The following CCDC33 variants were observed in gnomAD, a reference collection of about 807,000 sequenced individuals.
CCDC33 encodes the protein coiled-coil domain-containing protein 33.
Under a neutral mutation model 91.9 loss-of-function variants are expected in CCDC33, and 94 were observed. The observed-to-expected ratio is 1.02, with a 90% CI of 0.87 to 1.21. CCDC33 has a LOEUF of 1.21. CCDC33 is among the 50% of genes most tolerant of loss of function. The probability of loss-of-function intolerance (pLI) is 0.00; values close to 1 mark genes in which losing one functional copy is unlikely to be tolerated. For missense variants in CCDC33, 940 were observed against 935.5 expected, an observed-to-expected ratio of 1.00 and a Z score of -0.06; for synonymous variants, 396 against 374.5, an observed-to-expected ratio of 1.06 and a Z score of -0.66.
intron 7 of CCDC33, among the ~76,000 whole-genome samples, chr15:74,274,684 T>C (rs2959019): frequency 0.51 from 76,876 of 152,174 alleles, 24,000 homozygotes; most frequent in Non-Finnish European, 0.7. Flanking sequence ...ATCAGCAGGC[T>C]GTCCCAAGGG....
At chr15:74,282,387 G>A (rs947726051) in intron 10 of CCDC33, among the ~76,000 whole-genome samples, 6 of 152,152 alleles carry the variant, frequency 3.9e-5, no homozygotes, top group Admixed American at 1.3e-4. Context: ...AGCCGGGGCA[G>A]CTCTCAGCTC....
rs552775440 is a variant in CCDC33, at chr15:74,290,567, G to T, written c.1096-5187G>T. Reference sequence around the variant, plus strand: ...TACAGAGGTCAGGGCAAGCATCACAGAAAGGCATGGTTTGAGCTCTGTTCC... The same window carrying T: ...TACAGAGGTCAGGGCAAGCATCACATAAAGGCATGGTTTGAGCTCTGTTCC... On this transcript the variant is annotated intron_variant, in intron 10 of 18. Transcript: ENST00000398814. 2.6e-5 allele frequency among the ~76,000 whole-genome samples: 4 copies of T among 152,320 alleles called. No homozygotes were observed. The South Asian group carries it at 8.3e-4, about 32-fold the overall frequency.
chr15:74,280,024 G>A lies in CCDC33; in HGVS notation c.821G>A (p.Gly274Asp), dbSNP rs1490007125. ...PLWNQSFLFQ[G>D]RDGATSFSED... is the part of the protein sequence containing the mutation. ...TGGAATCAGTCCTTCCTCTTCCAAG[G>A]CCGAGATGGAGCTACCAGCTTCTCA... Residue 274 changes from glycine (G) to aspartate (D), a missense_variant, in exon 8 of 19, where the codon GGC (glycine) becomes GAC (aspartate). Physicochemically the swap from Gly to Asp is moderately conservative, Grantham distance 94 (BLOSUM62 -1). Transcript: ENST00000398814. 1 of 1,614,038 alleles carries A rather than the reference G, an allele frequency of 6.2e-7. No homozygotes were observed. The highest frequency in any genetic ancestry group is 8.5e-7 in the Non-Finnish European group (1 of 1,180,034).
rs2060083134 is a variant in CCDC33, at chr15:74,316,070, G to C, written c.1291-14119G>C. ...AGTCTTCACATAGTAATTGTCTTGT[G>C]TGTCTCACCCAGTGATAAGGGGTGG... is the stretch of plus-strand genomic sequence containing the variant. On this transcript the variant is annotated intron_variant, in intron 11 of 18. Coordinates refer to ENST00000398814, the MANE Select transcript of CCDC33 (RefSeq NM_025055.5). This position sits in a 1 kb window ranked among gnomAD's most constrained non-coding sequence, Gnocchi z 4.7. Among the ~76,000 whole-genome samples the C allele has an allele frequency of 6.6e-6, 1 of 152,182 alleles. No homozygotes were observed. The highest frequency in any genetic ancestry group is 6.5e-5 in the Admixed American group (1 of 15,280).
At chr15:74,249,475 G>C (rs892133364) in intron 2 of CCDC33, among the ~76,000 whole-genome samples, 1 of 148,890 alleles carries the variant, frequency 6.7e-6, no homozygotes, top group Non-Finnish European at 1.5e-5. Context: ...GTGACAGAGC[G>C]AGGCTCCGTC....
chr15:74,310,153 T>A (rs2059964631), intron 11 of CCDC33, among the ~76,000 whole-genome samples: 1 of 148,370 alleles, frequency 6.7e-6, no homozygotes, highest in Non-Finnish European at 1.5e-5. Flanking sequence ...AGAACCTGAC[T>A]CAAACAAAAT....
intron 4 of CCDC33, among the ~76,000 whole-genome samples, chr15:74,267,430 G>A (rs1304495482): frequency 1.3e-5 from 2 of 152,232 alleles, no homozygotes; most frequent in African/African-American, 4.8e-5. Context: ...CATGGACTGA[G>A]GGGCCTGAGG....
At chr15:74,298,861 C>T (rs949541301) in intron 11 of CCDC33, among the ~76,000 whole-genome samples, 2 of 151,944 alleles carry the variant, frequency 1.3e-5, no homozygotes, top group Non-Finnish European at 2.9e-5. Flanking sequence ...TACAGGCGGG[C>T]GCCACCACGC....
In CCDC33 at chr15:74,274,728, C is replaced by A. The variant is rs2076407109; in HGVS notation, c.759+1837C>A. ...CACTGCCTGCTTTAATGAGTGTGCC[C>A]CCTCCCACCCCCAGGCTTTCTCTGG... On this transcript the variant is annotated intron_variant, in intron 7 of 18. Coordinates refer to ENST00000398814, the MANE Select transcript of CCDC33 (RefSeq NM_025055.5). 2.6e-5 allele frequency among the ~76,000 whole-genome samples: 4 copies of A among 152,202 alleles called. No individual in the cohort carries two copies. The South Asian group carries it at 8.3e-4, about 31-fold the overall frequency.
chr15:74,254,553 C>T (rs2075802243), intron 2 of CCDC33, among the ~76,000 whole-genome samples: 1 of 152,132 alleles, frequency 6.6e-6, no homozygotes, highest in African/African-American at 2.4e-5. Context: ...GTGCATCCTC[C>T]ACACATGTAT....
chr15:74,333,831 T>G (rs759712444), intron 16 of CCDC33, 50 bp from the exon 17 acceptor site: 7 of 1,487,492 alleles, frequency 4.7e-6, no homozygotes, highest in Non-Finnish European at 6.5e-6. Context: ...AAGCTCACAC[T>G]GCCACAGCCT....
At position 74,333,876 on chromosome 15, in the gene CCDC33, C is replaced by T; in HGVS notation, c.1939-5C>T. 6.2e-7 allele frequency: 1 copy of T among 1,612,420 alleles called. No individual in the cohort carries two copies. Among genetic ancestry groups the T allele is most frequent in the Non-Finnish European group, 8.5e-7 (1 of 1,178,784 alleles). On this transcript the variant is annotated splice_polypyrimidine_tract_variant and splice_region_variant and intron_variant, in intron 16 of 18. Transcript: ENST00000398814. ...GCCAAATGTGAGTTTGTGCTTTGCCCACAGGATCTCCTCTCTGGTACTTCA... is the reference window on the plus strand; with the variant it reads ...GCCAAATGTGAGTTTGTGCTTTGCCTACAGGATCTCCTCTCTGGTACTTCA...
chr15:74,276,249 C>T (rs554094034), intron 7 of CCDC33, among the ~76,000 whole-genome samples: 44 of 152,182 alleles, frequency 2.9e-4, no homozygotes, highest in Non-Finnish European at 5.6e-4. Flanking sequence ...GTGATGATGG[C>T]AAAGGCTGAA....
intron 1 of CCDC33, among the ~76,000 whole-genome samples, chr15:74,243,097 C>A (rs1295387960): frequency 6.6e-6 from 1 of 152,238 alleles, no homozygotes; most frequent in African/African-American, 2.4e-5. Context: ...CTGCTGAGTC[C>A]CTGCTTGGGG....
intron 11 of CCDC33, among the ~76,000 whole-genome samples, chr15:74,309,144 C>T (rs542232908): frequency 4.6e-5 from 7 of 152,172 alleles, no homozygotes; most frequent in African/African-American, 1.7e-4. Context: ...CATGCTACCC[C>T]CCGCCCTGAA....
Position 74,267,732 on chromosome 15 carries a change from C to T in CCDC33, c.430-610C>T, listed in dbSNP as rs143713345. ...GGATACCCATGGAAGCCACTTGGTC[C>T]CCAGGCCTCCATCCTCACTGGCAAA... On this transcript the variant is annotated intron_variant, in intron 4 of 18. Coordinates refer to ENST00000398814, the MANE Select transcript of CCDC33 (RefSeq NM_025055.5). Among the ~76,000 whole-genome samples the T allele has an allele frequency of 1.4e-4, 21 of 150,944 alleles. 1 individual carries two copies. Among genetic ancestry groups the T allele is most frequent in the African/African-American group, 5.2e-4 (21 of 40,408 alleles).
intron 10 of CCDC33, among the ~76,000 whole-genome samples, chr15:74,285,986 G>C (rs766597845): frequency 6.6e-6 from 1 of 152,194 alleles, no homozygotes. Flanking sequence ...GGTGGCTCAC[G>C]CCTGTAATCC....
At chr15:74,309,612 C>CT (rs150766449) in intron 11 of CCDC33, among the ~76,000 whole-genome samples, 1 of 152,114 alleles carries the variant, frequency 6.6e-6, no homozygotes, top group African/African-American at 2.4e-5. Context: ...CTTCTGGCGC[C>CT]TTTTTTTCCT....
At chr15:74,230,090 C>G (rs2074920279) in intron 2 of CCDC33, among the ~76,000 whole-genome samples, 1 of 152,236 alleles carries the variant, frequency 6.6e-6, no homozygotes, top group Non-Finnish European at 1.5e-5. Context: ...GAGACCACTG[C>G]TCCTTCACAG....
Sources: allele counts gnomAD v4.1 joint callset (sites outside exome capture counted in the v4.1 genomes callset), GRCh38; gene constraint gnomAD v4.1.1; non-coding constraint Gnocchi (gnomAD v3.1); transcripts MANE v1.5; gene names NCBI Gene and HGNC (gene_info 2026-07-23, HGNC 2026-07-21).